APBA2: variants seen among roughly 807,000 people sequenced by gnomAD.
The protein encoded by APBA2 is amyloid-beta A4 precursor protein-binding family A member 2.
A neutral mutation model predicts 75.0 loss-of-function variants in APBA2; 30 were observed. The observed-to-expected ratio is 0.40, with a 90% CI of 0.30 to 0.54. The LOEUF (loss-of-function observed/expected upper bound fraction) is 0.54, where lower values mean the gene tolerates loss of function less well. Among genes scored for constraint, APBA2 ranks in the 20% least tolerant of loss-of-function variants. The pLI is 0.49. For synonymous variants in APBA2, 444 were observed against 409.6 expected (o/e 1.08, Z -1.01); for missense variants, 801 against 1,016.1 (o/e 0.79, Z 2.88).
chr15:29,043,952 A>G (rs1238689885), intron 3 of APBA2, among the ~76,000 whole-genome samples: 1 of 152,218 alleles, frequency 6.6e-6, no homozygotes, highest in African/African-American at 2.4e-5. Context: ...TGATTATACA[A>G]GCATTCTCCA....
At chr15:28,995,508 A>G (rs551458972) in intron 2 of APBA2, among the ~76,000 whole-genome samples, 1 of 152,344 alleles carries the variant, frequency 6.6e-6, no homozygotes, top group African/African-American at 2.4e-5. Context: ...TACATAAGCC[A>G]TCTCTTTATT....
chr15:29,039,155 G>GTA (rs1421392172), intron 3 of APBA2, among the ~76,000 whole-genome samples: 2 of 135,146 alleles, frequency 1.5e-5, no homozygotes, highest in African/African-American at 2.9e-5. Flanking sequence ...GTGTGTGTGT[G>GTA]TATCAGGGTT....
At chr15:28,980,400 C>T (rs912791519) in intron 2 of APBA2, among the ~76,000 whole-genome samples, 2 of 152,164 alleles carry the variant, frequency 1.3e-5, no homozygotes, top group African/African-American at 4.8e-5. Context: ...GATACAACAT[C>T]AATGTAGAAA....
intron 3 of APBA2, among the ~76,000 whole-genome samples, chr15:28,999,291 CTTCT>C (rs1402325597): frequency 6.6e-6 from 1 of 152,084 alleles, no homozygotes; most frequent in Admixed American, 6.5e-5. Context: ...GTATTAGCAA[CTTCT>C]TTAAGAGAAC....
At chr15:28,915,187 T>C (rs1429253139) in intron 1 of APBA2, among the ~76,000 whole-genome samples, 150 of 970 alleles carry the variant, frequency 0.15, 1 homozygote, top group South Asian at 0.26. Flanking sequence ...ACCCCATATA[T>C]ACCACACACC....
intron 1 of APBA2, among the ~76,000 whole-genome samples, chr15:28,920,904 C>CT (rs1416966961): frequency 6.6e-6 from 1 of 152,180 alleles, no homozygotes; most frequent in African/African-American, 2.4e-5. Flanking sequence ...GCTAGGACGT[C>CT]TATCTCTGCA....
intron 14 of APBA2, 85 bp from the exon 15 acceptor site, chr15:29,116,977 G>A: frequency 7.1e-7 from 1 of 1,402,396 alleles, no homozygotes. Context: ...GAACTCTGGG[G>A]GGTTTGCCTC....
intron 11 of APBA2, 91 bp downstream of exon 11, chr15:29,105,649 G>A (rs918898991): frequency 2.1e-5 from 30 of 1,396,858 alleles, no homozygotes; most frequent in African/African-American, 9.9e-5. Flanking sequence ...GGGTCCTCAC[G>A]CACACCCTTG....
rs78629462 is a variant in APBA2 at position 29,020,061 on chromosome 15, G to A, written c.-41+24255G>A. Among the ~76,000 whole-genome samples the A allele has an allele frequency of 9.7e-4, 147 of 152,324 alleles. 1 individual carries two copies. In the East Asian group the frequency reaches 0.023, roughly 24 times the overall value. ...TATTTGCCTGTGTTTACTGGCACAT[G>A]TATTTTCTCTTTGGTCAATTTCCCT... On this transcript the variant is annotated intron_variant, in intron 3 of 14. Transcript: ENST00000683413.
At chr15:28,893,434 G>A (rs1187652696) in intron 1 of APBA2, among the ~76,000 whole-genome samples, 1 of 152,204 alleles carries the variant, frequency 6.6e-6, no homozygotes, top group Non-Finnish European at 1.5e-5. Flanking sequence ...TGAATGGACC[G>A]ATTTTGGCCG....
At chr15:28,939,927 G>A (rs761757923) in intron 2 of APBA2, among the ~76,000 whole-genome samples, 63 of 152,332 alleles carry the variant, frequency 4.1e-4, no homozygotes, top group Non-Finnish European at 7.5e-4. Flanking sequence ...CACGATCCAC[G>A]GAGGCAGCTG....
At chr15:28,909,443 C>A (rs141753951) in intron 1 of APBA2, among the ~76,000 whole-genome samples, 2 of 152,370 alleles carry the variant, frequency 1.3e-5, no homozygotes, top group African/African-American at 2.4e-5. Flanking sequence ...GTCAGAACTT[C>A]CTTCCTTCTT....
At chr15:28,959,361 G>A (rs1382455071) in intron 2 of APBA2, among the ~76,000 whole-genome samples, 1 of 152,246 alleles carries the variant, frequency 6.6e-6, no homozygotes. Context: ...ACCTCAGAAT[G>A]TGACTGTATT....
At chr15:28,987,727 G>C (rs8031999) in intron 2 of APBA2, among the ~76,000 whole-genome samples, 3 of 115,100 alleles carry the variant, frequency 2.6e-5, no homozygotes, top group South Asian at 6.8e-4. Context: ...TATGTGGAGA[G>C]AGATATATAT....
At chr15:29,038,998 A>T (rs2040887309) in intron 3 of APBA2, among the ~76,000 whole-genome samples, 1 of 151,944 alleles carries the variant, frequency 6.6e-6, no homozygotes, top group African/African-American at 2.4e-5. Flanking sequence ...GGACCTTGAG[A>T]TGATTTACTA....
chr15:28,974,378 A>G (rs543981015), intron 2 of APBA2, among the ~76,000 whole-genome samples: 5 of 152,342 alleles, frequency 3.3e-5, no homozygotes, highest in Admixed American at 2.0e-4. Flanking sequence ...AGGGACACGC[A>G]GTTCCAGGAC....
chr15:29,031,413 C>T (rs1285688608), intron 3 of APBA2, among the ~76,000 whole-genome samples: 2 of 152,154 alleles, frequency 1.3e-5, no homozygotes, highest in Non-Finnish European at 1.5e-5. Context: ...GATGCCCCTG[C>T]ATGTGTTCTT....
At chr15:28,982,322 T>G (rs866005219) in intron 2 of APBA2, among the ~76,000 whole-genome samples, 4 of 152,348 alleles carry the variant, frequency 2.6e-5, no homozygotes, top group Middle Eastern at 6.8e-3. Flanking sequence ...TTGTTGCCCT[T>G]TGGGCTAATA....
At chr15:28,939,354 G>T (rs2035057404) in intron 2 of APBA2, among the ~76,000 whole-genome samples, 1 of 152,096 alleles carries the variant, frequency 6.6e-6, no homozygotes, top group Non-Finnish European at 1.5e-5. Flanking sequence ...CCTTCTTTCA[G>T]TTCTTTTGGG....
Sources: allele counts gnomAD v4.1 joint callset (sites outside exome capture counted in the v4.1 genomes callset), GRCh38; gene constraint gnomAD v4.1.1; transcripts MANE v1.5; gene names NCBI Gene and HGNC (gene_info 2026-07-23, HGNC 2026-07-21).